DAAM1: variants seen among roughly 807,000 people sequenced by gnomAD.
DAAM1 encodes the protein disheveled-associated activator of morphogenesis 1.
A neutral mutation model predicts 130.0 loss-of-function variants in DAAM1; 52 were observed. That is an observed-to-expected ratio of 0.40 (90% CI 0.32 to 0.50). The LOEUF is 0.50. DAAM1 is among the 20% of genes least tolerant of loss of function. DAAM1 has a pLI of 0.61. For synonymous variants in DAAM1, 452 were observed against 444.5 expected (o/e 1.02, Z -0.21); for missense variants, 1,134 against 1,303.8 (o/e 0.87, Z 2.01).
At position 59,369,690 on chromosome 14, in the gene DAAM1, A is replaced by AAAAAT. The variant is rs1887073570; in HGVS notation, c.*834_*838dup. 6.6e-6 allele frequency: 1 copy of AAAAAT among 151,620 alleles called. No individual in the cohort carries two copies. The highest frequency in any genetic ancestry group is 2.4e-5 in the African/African-American group (1 of 41,216). The allele number at this position is 151,620 out of a possible 1,614,324, so 9.4% of individuals were successfully genotyped here. A position where few individuals can be genotyped will look rare whatever the true frequency, so the allele number is the denominator to read the frequency against. Reference sequence around the variant, plus strand: ...CTAACAATATAGATATATAAACCTTAAAAATAATAAAATATCTCACCCAAG... The same window carrying AAAAAT: ...CTAACAATATAGATATATAAACCTTAAAAATAAAATAATAAAATATCTCACCCAAG... On this transcript the variant is annotated 3_prime_UTR_variant, in exon 25 of 25. Transcript: ENST00000360909.
At chr14:59,245,175 T>A (rs188728988) in intron 1 of DAAM1, among the ~76,000 whole-genome samples, 27 of 152,336 alleles carry the variant, frequency 1.8e-4, no homozygotes, top group African/African-American at 6.5e-4. Context: ...AAAGACTAAT[T>A]TTCCTCCCTT....
rs539211717 is a variant in DAAM1 at position 59,360,411 on chromosome 14, G to A, written c.2634-391G>A. 3.9e-5 allele frequency among the ~76,000 whole-genome samples: 6 copies of A among 152,358 alleles called. No individual in the cohort carries two copies. In the South Asian group the frequency reaches 1.2e-3, roughly 32 times the overall value. ...GAACACTGATTATACAGAGTACAAT[G>A]TGAACATGATTGCAGATGAACTTGT... On this transcript the variant is annotated intron_variant, in intron 21 of 24. Coordinates refer to ENST00000360909, the MANE Select transcript of DAAM1 (RefSeq NM_001270520.2).
intron 3 of DAAM1, among the ~76,000 whole-genome samples, chr14:59,294,094 C>T (rs1221667282): frequency 6.6e-6 from 1 of 152,196 alleles, no homozygotes; most frequent in Non-Finnish European, 1.5e-5. Context: ...CAGACATTCT[C>T]ACACATAGTA....
chr14:59,266,638 C>T (rs893213191), intron 2 of DAAM1, among the ~76,000 whole-genome samples: 4 of 152,208 alleles, frequency 2.6e-5, no homozygotes, highest in Non-Finnish European at 5.9e-5. Flanking sequence ...GAATTTTTGT[C>T]TACTCTTGAC....
chr14:59,327,122 T>C (rs570857690), intron 12 of DAAM1, 131 bp downstream of exon 12: 13 of 953,232 alleles, frequency 1.4e-5, no homozygotes, highest in Non-Finnish European at 1.9e-5. Context: ...TTCCATCTTT[T>C]AAGGGCATTT....
chr14:59,330,544 A>ATG lies in DAAM1; in HGVS notation c.1419_1420dup (p.Asp474ValfsTer11). The ATG allele has an allele frequency of 6.2e-7, 1 of 1,613,160 alleles. No homozygotes were observed. Among genetic ancestry groups the ATG allele is most frequent in the Non-Finnish European group, 8.5e-7 (1 of 1,179,692 alleles). Reference sequence around the variant, plus strand: ...AGAAACTGGAAAAGAAAGAACGAGAATGTGATGCTAAGACTCAAGAGAAGG... The same window carrying ATG: ...AGAAACTGGAAAAGAAAGAACGAGAATGTGTGATGCTAAGACTCAAGAGAAGG... On this transcript the variant is annotated frameshift_variant, in exon 13 of 25. Transcript: ENST00000360909. LOFTEE classifies it high-confidence loss of function.
chr14:59,198,820 A>G (rs1458116864), intron 1 of DAAM1, among the ~76,000 whole-genome samples: 1 of 152,244 alleles, frequency 6.6e-6, no homozygotes, highest in Non-Finnish European at 1.5e-5. Flanking sequence ...AGAAAAAGAC[A>G]CACTCTTTGA....
chr14:59,315,078 G>A (rs1180721308), intron 3 of DAAM1, among the ~76,000 whole-genome samples: 2 of 152,124 alleles, frequency 1.3e-5, no homozygotes, highest in Non-Finnish European at 2.9e-5. Context: ...CATTCTCTGT[G>A]GAAATTGAGC....
At chr14:59,219,580 G>A (rs1888705690) in intron 1 of DAAM1, among the ~76,000 whole-genome samples, 1 of 152,078 alleles carries the variant, frequency 6.6e-6, no homozygotes, top group African/African-American at 2.4e-5. Flanking sequence ...TGGTAAATTT[G>A]TATGTAGACT....
At chr14:59,355,651 TTATAA>T (rs565604913) in intron 20 of DAAM1, among the ~76,000 whole-genome samples, 37 of 152,294 alleles carry the variant, frequency 2.4e-4, no homozygotes, top group South Asian at 1.7e-3. Context: ...AAACTTTTTA[TTATAA>T]TATACTAAGA....
chr14:59,196,487 T>C (rs930133234), intron 1 of DAAM1, among the ~76,000 whole-genome samples: 15 of 152,204 alleles, frequency 9.9e-5, no homozygotes, highest in African/African-American at 3.6e-4. Flanking sequence ...CTCACGCCTG[T>C]AATCCCAGCA....
chr14:59,277,710 GA>G (rs571721358), intron 2 of DAAM1, among the ~76,000 whole-genome samples: 743 of 151,104 alleles, frequency 4.9e-3, no homozygotes, highest in Non-Finnish European at 6.8e-3. Context: ...AGAATAACAT[GA>G]AAAAAAAATT....
At chr14:59,204,401 A>G (rs575609337) in intron 1 of DAAM1, among the ~76,000 whole-genome samples, 2 of 152,354 alleles carry the variant, frequency 1.3e-5, no homozygotes, top group Admixed American at 1.3e-4. Flanking sequence ...GGCAGTTCAC[A>G]GTGTGGATGT....
intron 12 of DAAM1, among the ~76,000 whole-genome samples, chr14:59,327,402 C>CTTTTTTATTTTTTTTTTTTTTTTTT (rs1885249637): frequency 1.7e-5 from 1 of 58,992 alleles, no homozygotes; most frequent in Admixed American, 2.5e-4. Flanking sequence ...CACTTGGTTT[C>CTTTTTTATTTTTTTTTTTTTTTTTT]TTTTTTTTTT....
chr14:59,369,072 A>G lies in DAAM1; in HGVS notation c.*213A>G. ...TGTCTGGAGACCTATACGTATGGTT[A>G]AAAAGATTTATGTTAATGTATGTGC... On this transcript the variant is annotated 3_prime_UTR_variant, in exon 25 of 25. Coordinates refer to ENST00000360909, the MANE Select transcript of DAAM1 (RefSeq NM_001270520.2). 1 of 510,292 alleles carries G rather than the reference A, an allele frequency of 2.0e-6. No individual in the cohort carries two copies. The allele number at this position is 510,292 out of a possible 1,614,324, so 31.6% of individuals were successfully genotyped here. A position where few individuals can be genotyped will look rare whatever the true frequency, so the allele number is the denominator to read the frequency against.
intron 1 of DAAM1, among the ~76,000 whole-genome samples, chr14:59,217,464 T>C (rs149192123): frequency 3.3e-4 from 51 of 152,286 alleles, no homozygotes; most frequent in African/African-American, 1.1e-3. Context: ...AGTTTGACAT[T>C]TGATTTTTTA....
chr14:59,327,402 C>CTTTGTTTTTTTTTT (rs1885249122), intron 12 of DAAM1, among the ~76,000 whole-genome samples: 1 of 58,990 alleles, frequency 1.7e-5, no homozygotes, highest in East Asian at 4.9e-4. Flanking sequence ...CACTTGGTTT[C>CTTTGTTTTTTTTTT]TTTTTTTTTT....
intron 2 of DAAM1, 138 bp downstream of exon 2, chr14:59,263,798 C>G: frequency 2.0e-6 from 2 of 1,017,542 alleles, no homozygotes; most frequent in Non-Finnish European, 3.0e-6. Context: ...TATGTCTGCA[C>G]CCTCACTGTC....
chr14:59,292,990 T>C (rs1020990917), intron 3 of DAAM1, among the ~76,000 whole-genome samples: 1 of 152,234 alleles, frequency 6.6e-6, no homozygotes, highest in African/African-American at 2.4e-5. Context: ...TGCTCAGTTC[T>C]GAAACTGGTA....
Sources: gnomAD v4.1 joint callset for allele counts (sites outside exome capture counted in the v4.1 genomes callset) on GRCh38, gnomAD v4.1.1 for gene constraint, MANE v1.5 for transcripts, NCBI Gene and HGNC (gene_info 2026-07-23, HGNC 2026-07-21) for gene names.